The following CKAP2 variants were observed in gnomAD, a reference collection of about 807,000 sequenced individuals.
CKAP2 encodes cytoskeleton-associated protein 2.
Under a neutral mutation model 58.4 loss-of-function variants are expected in CKAP2, and 46 were observed. The observed-to-expected ratio is 0.79, with a 90% CI of 0.62 to 1.01. The LOEUF (loss-of-function observed/expected upper bound fraction) is 1.01. CKAP2 is among the 50% of genes least tolerant of loss of function. CKAP2 has a pLI of 0.00. For missense variants in CKAP2, 809 were observed against 796.4 expected (o/e 1.02, Z -0.19); for synonymous variants, 293 against 280.9 (o/e 1.04, Z -0.43).
At chr13:52,458,634 G>A (rs997266481) in intron 2 of CKAP2, among the ~76,000 whole-genome samples, 2 of 152,250 alleles carry the variant, frequency 1.3e-5, no homozygotes, top group East Asian at 3.9e-4. Flanking sequence ...AGGCTGAGGC[G>A]GGTGTATCAC....
In CKAP2 at chr13:52,465,372, G is replaced by C. The variant is rs1407269496; in HGVS notation, c.1383G>C (p.Lys461Asn). ...KNIPDAKKLV[K>N]YWICLALIEP... The stretch of plus-strand genomic sequence containing the variant: ...TTCCAGATGCCAAAAAGCTTGTTAA[G>C]TATTGGATATGTCTTGCACTTATTG... Residue 461 changes from lysine to asparagine, a missense_variant, in exon 6 of 9, where the codon AAG becomes AAC. Lys to Asn is a moderately conservative substitution (Grantham distance 94). Transcript: ENST00000258607. 6.2e-7 allele frequency: 1 copy of C among 1,613,314 alleles called. No individual in the cohort carries two copies.
chr13:52,456,847 G>C (rs1277525366), intron 2 of CKAP2, among the ~76,000 whole-genome samples: 1 of 152,102 alleles, frequency 6.6e-6, no homozygotes, highest in Admixed American at 6.6e-5. Flanking sequence ...TAGCCACATT[G>C]GCTAGTGGCT....
intron 6 of CKAP2, among the ~76,000 whole-genome samples, chr13:52,467,897 C>T (rs900102595): frequency 6.6e-6 from 1 of 151,692 alleles, no homozygotes; most frequent in African/African-American, 2.4e-5. Context: ...GCAAGCTCCG[C>T]TTCCTGGGTT....
intron 1 of CKAP2, among the ~76,000 whole-genome samples, 166 bp downstream of exon 1, chr13:52,455,792 A>G (rs1958467917): frequency 6.6e-6 from 1 of 152,184 alleles, no homozygotes; most frequent in African/African-American, 2.4e-5. Flanking sequence ...GGCCTTGTGG[A>G]ACGGATCATA....
At chr13:52,458,288 A>G (rs375706551) in intron 2 of CKAP2, among the ~76,000 whole-genome samples, 1 of 152,130 alleles carries the variant, frequency 6.6e-6, no homozygotes. Flanking sequence ...CCAAGCAGAT[A>G]TGCCAAATAA....
chr13:52,475,238 T>C lies in CKAP2; in HGVS notation c.*97T>C, dbSNP rs958344215. On this transcript the variant is annotated 3_prime_UTR_variant, in exon 9 of 9. Transcript: ENST00000258607. ...TTGCTCTTAGGTCTGGAGTTGGCCA[T>C]GTACCTATGTATCCTAAGCATTCAC... is the stretch of plus-strand genomic sequence containing the variant. 11 of 1,427,818 alleles carry C rather than the reference T, an allele frequency of 7.7e-6. No individual in the cohort carries two copies. The highest frequency in any genetic ancestry group is 1.9e-4 in the Middle Eastern group (1 of 5,400). 88.4% of individuals were successfully genotyped at this position (1,427,818 alleles called of 1,614,324 possible).
chr13:52,467,911 G>T (rs1027303441), intron 6 of CKAP2, among the ~76,000 whole-genome samples: 1 of 151,446 alleles, frequency 6.6e-6, no homozygotes, highest in Non-Finnish European at 1.5e-5. Context: ...CTGGGTTCAC[G>T]CCATTCTCCT....
chr13:52,470,703 A>G (rs552307998), intron 7 of CKAP2, among the ~76,000 whole-genome samples: 16 of 152,268 alleles, frequency 1.1e-4, no homozygotes, highest in African/African-American at 3.1e-4. Flanking sequence ...GATTATTTCA[A>G]TTTATGGTGA....
rs114485335 is a variant in CKAP2, at chr13:52,474,634, A to G, written c.1803-261A>G. ...TTGAATTTACTTTAATCTGTGTGTTATTAATAACAGTAGGTTTTGGCTTTC... is the reference window on the plus strand; with the variant it reads ...TTGAATTTACTTTAATCTGTGTGTTGTTAATAACAGTAGGTTTTGGCTTTC... On this transcript the variant is annotated intron_variant, in intron 8 of 8. Transcript: ENST00000258607. Among the ~76,000 whole-genome samples the G allele has an allele frequency of 6.7e-3, 1,017 of 152,366 alleles. 5 individuals carry two copies. Among genetic ancestry groups the G allele is most frequent in the South Asian group, 0.014 (70 of 4,828 alleles).
At chr13:52,463,027 T>A (rs144404051) in intron 5 of CKAP2, among the ~76,000 whole-genome samples, 183 of 152,306 alleles carry the variant, frequency 1.2e-3, no homozygotes, top group African/African-American at 4.3e-3. Context: ...AACCTCTGCC[T>A]CCTGGGTTGA....
chr13:52,468,197 T>C, intron 6 of CKAP2, 81 bp from the exon 7 acceptor site: 1 of 800,954 alleles, frequency 1.2e-6, no homozygotes, highest in Non-Finnish European at 2.0e-6. Flanking sequence ...GTATGAAAAT[T>C]TAATCGCGAC....
Position 52,473,892 on chromosome 13 carries a change from C to G in CKAP2, c.1610C>G (p.Thr537Arg), listed in dbSNP as rs369352268. The G allele has an allele frequency of 3.3e-5, 53 of 1,613,528 alleles. No homozygotes were observed. Among genetic ancestry groups the G allele is most frequent in the Middle Eastern group, 1.6e-4 (1 of 6,062 alleles). The stretch of plus-strand genomic sequence containing the variant: ...GTCAAAGAAGTCAGTATTGAAGATA[C>G]AGGTGTTGATGTAGATCCAGAAAAA... The part of the protein sequence containing the change: ...EEVKEVSIED[T>R]GVDVDPEKLE... The change falls in exon 8 of 9, where the codon ACA (threonine) becomes AGA (arginine). Residue 537 changes from threonine (T) to arginine (R), a missense_variant. By Grantham distance (71) the Thr-to-Arg change is moderately conservative. Around this residue, in one of 3 missense-constraint regions of CKAP2, gnomAD observed 283 missense variants for 287.6 expected, o/e 0.98. Transcript: ENST00000258607.
At chr13:52,468,416 T>C in intron 7 of CKAP2, 69 bp downstream of exon 7, 1 of 948,122 alleles carries the variant, frequency 1.1e-6, no homozygotes, top group Non-Finnish European at 1.6e-6. Context: ...TTTTAACTTT[T>C]ATTTTAAGAT....
chr13:52,469,615 A>G (rs1414033646), intron 7 of CKAP2, among the ~76,000 whole-genome samples: 1 of 142,752 alleles, frequency 7.0e-6, no homozygotes, highest in African/African-American at 2.6e-5. Context: ...TTTGAGACGG[A>G]GTCTCGCTCT....
chr13:52,467,074 T>G (rs1958689367), intron 6 of CKAP2, among the ~76,000 whole-genome samples: 1 of 143,966 alleles, frequency 6.9e-6, no homozygotes, highest in African/African-American at 2.6e-5. Context: ...AACTCCATCC[T>G]GAGTCAACAG....
Position 52,461,582 on chromosome 13 carries a change from G to T in CKAP2, c.756G>T (p.Val252=). ...VSTTSQNTQL[V]RPPIRSHHSN... is the part of the protein sequence containing the mutation. ...CTACATCTCAGAACACACAACTTGTGCGACCTCCTATTAGAAGTCATCACA... is the reference window on the plus strand; with the variant it reads ...CTACATCTCAGAACACACAACTTGTTCGACCTCCTATTAGAAGTCATCACA... The change falls in exon 4 of 9, where the codon GTG becomes GTT. Residue 252 remains valine (V), a synonymous_variant. Coordinates refer to ENST00000258607, the MANE Select transcript of CKAP2 (RefSeq NM_018204.5). 6.2e-7 allele frequency: 1 copy of T among 1,614,106 alleles called. No individual in the cohort carries two copies. The highest frequency in any genetic ancestry group is 8.5e-7 in the Non-Finnish European group (1 of 1,180,022).
At position 52,460,920 on chromosome 13, in the gene CKAP2, A is replaced by G. The variant is rs762472862; in HGVS notation, c.177A>G (p.Thr59=). 1 of 1,613,454 alleles carries G rather than the reference A, an allele frequency of 6.2e-7. No homozygotes were observed. Among genetic ancestry groups the G allele is most frequent in the East Asian group, 2.2e-5 (1 of 44,718 alleles). ...MLSSRDQRVV[T]SEDQVQEGTK... ...GTAGTAGAGATCAGAGAGTTGTGAC[A>G]TCTGAGGACCAAGTTCAAGAAGGGA... Residue 59 remains threonine, a synonymous_variant, in exon 3 of 9, where the codon ACA becomes ACG. Transcript: ENST00000258607.
Position 52,455,520 on chromosome 13 carries a change from G to C in CKAP2, c.-37G>C. 6.2e-7 allele frequency: 1 copy of C among 1,612,012 alleles called. No individual in the cohort carries two copies. The highest frequency in any genetic ancestry group is 8.5e-7 in the Non-Finnish European group (1 of 1,179,092). Reference sequence around the variant, plus strand: ...TGGTCTGAGGAAGTTCTATCTTGGCGCTAAAGCGGAGACGCATCCCCCGAC... The same window carrying C: ...TGGTCTGAGGAAGTTCTATCTTGGCCCTAAAGCGGAGACGCATCCCCCGAC... On this transcript the variant is annotated 5_prime_UTR_variant, in exon 1 of 9. Transcript: ENST00000258607.
rs150565746 is a variant in CKAP2, at chr13:52,462,176, C to T, written c.1101-187C>T. Reference sequence around the variant, plus strand: ...TGGGAAATACTTTATAATCTCAAATCAAAAAATGCATTCATGGAATCATTG... The same window carrying T: ...TGGGAAATACTTTATAATCTCAAATTAAAAAATGCATTCATGGAATCATTG... On this transcript the variant is annotated intron_variant, in intron 4 of 8. Coordinates refer to ENST00000258607, the MANE Select transcript of CKAP2 (RefSeq NM_018204.5). 1.4e-4 allele frequency among the ~76,000 whole-genome samples: 21 copies of T among 152,214 alleles called. No individual in the cohort carries two copies. In the East Asian group the frequency reaches 4.0e-3, roughly 29 times the overall value.
Sources: allele counts gnomAD v4.1 joint callset (sites outside exome capture counted in the v4.1 genomes callset), GRCh38; gene constraint gnomAD v4.1.1; regional missense constraint gnomAD v4.1.1; transcripts MANE v1.5; gene names NCBI Gene and HGNC (gene_info 2026-07-23, HGNC 2026-07-21).